The following BBS12 variants were observed in gnomAD, a reference collection of about 807,000 sequenced individuals.
The protein encoded by BBS12 is Bardet-Biedl syndrome 12, also known as chaperonin-containing T-complex member BBS12.
Under a neutral mutation model 5.6 loss-of-function variants are expected in BBS12, and 5 were observed. The observed-to-expected ratio is 0.89, with a 90% CI of 0.46 to 1.86. BBS12 has a LOEUF of 1.86. Among genes scored for constraint, BBS12 ranks in the 40% most tolerant of loss-of-function variants. The pLI, the probability that BBS12 is intolerant of heterozygous loss-of-function variation, is 0.01. For synonymous variants in BBS12, 308 were observed against 306.8 expected (o/e 1.00, Z -0.04); for missense variants, 748 against 830.4 (o/e 0.90, Z 1.22).
chr4:122,721,090 A>G, the BBS12 span, among the ~76,000 whole-genome samples: 1 of 152,178 alleles, frequency 6.6e-6, no homozygotes, highest in Admixed American at 6.5e-5. Context: ...TTAGAAGTCT[A>G]TACACAGCAA....
chr4:122,743,981 A>G lies in BBS12; in HGVS notation c.2089A>G (p.Thr697Ala), dbSNP rs201107249. The G allele has an allele frequency of 5.6e-6, 9 of 1,614,108 alleles. No individual in the cohort carries two copies. The African/African-American group carries it at 6.7e-5, about 12-fold the overall frequency. ...DSEIITGHGH[T>A]QINSQELTGF... ...TGAAATAATTACTGGACATGGACACACACAGATAAATTCACAGGAATTAAC... is the reference window on the plus strand; with the variant it reads ...TGAAATAATTACTGGACATGGACACGCACAGATAAATTCACAGGAATTAAC... The change falls in exon 2 of 2, where the codon ACA (threonine) becomes GCA (alanine). Residue 697 changes from threonine (T) to alanine (A), a missense_variant. By Grantham distance (58) the Thr-to-Ala change is moderately conservative (BLOSUM62 0). Transcript: ENST00000314218.
chr4:122,710,735 A>C, the BBS12 span, among the ~76,000 whole-genome samples: 1 of 152,134 alleles, frequency 6.6e-6, no homozygotes, highest in Non-Finnish European at 1.5e-5. Context: ...GGTATTGTTC[A>C]GTACTTTTCC....
At chr4:122,717,026 T>A in the BBS12 span, among the ~76,000 whole-genome samples, 3 of 152,130 alleles carry the variant, frequency 2.0e-5, no homozygotes, top group Admixed American at 6.5e-5. Flanking sequence ...CTCAACGCCC[T>A]CTAGTGGAGT....
chr4:122,743,482 A>T lies in BBS12; in HGVS notation c.1590A>T (p.Leu530=). The T allele has an allele frequency of 6.2e-7, 1 of 1,614,266 alleles. No individual in the cohort carries two copies. The highest frequency in any genetic ancestry group is 8.5e-7 in the Non-Finnish European group (1 of 1,180,042). ...GTGCCTATCGTTTGTATTATGCTCT[A>T]AAAGAGGAAAAGGTCTTCCTTGGAG... The part of the protein sequence containing the change: ...WTCAYRLYYA[L]KEEKVFLGGG... The change falls in exon 2 of 2, where the codon CTA becomes CTT. Residue 530 remains leucine, a synonymous_variant. Transcript: ENST00000314218.
At chr4:122,718,359 T>C in the BBS12 span, among the ~76,000 whole-genome samples, 1 of 152,198 alleles carries the variant, frequency 6.6e-6, no homozygotes, top group South Asian at 2.1e-4. Context: ...TCAGTCAGAT[T>C]TATTTTCCTA....
the BBS12 span, among the ~76,000 whole-genome samples, chr4:122,715,763 A>C: frequency 6.6e-6 from 1 of 152,358 alleles, no homozygotes; most frequent in African/African-American, 2.4e-5. Flanking sequence ...GAAAGAAAAA[A>C]TATAATACAG....
chr4:122,728,526 T>G (rs769593491), upstream of BBS12: 4 of 152,200 alleles, frequency 2.6e-5, no homozygotes, highest in Non-Finnish European at 5.9e-5. Context: ...AACTGGGGCT[T>G]GGATAGGAAG....
chr4:122,735,175 T>G (rs891475629), intron 1 of BBS12, among the ~76,000 whole-genome samples: 2 of 152,154 alleles, frequency 1.3e-5, no homozygotes, highest in Non-Finnish European at 2.9e-5. Context: ...CCCAGGGCAT[T>G]AGAGAAGTCC....
the BBS12 span, among the ~76,000 whole-genome samples, chr4:122,719,953 C>CTCTTATA: frequency 6.6e-6 from 1 of 152,144 alleles, no homozygotes; most frequent in Admixed American, 6.6e-5. Context: ...CAAAATGATC[C>CTCTTATA]TCTTATATCT....
the BBS12 span, among the ~76,000 whole-genome samples, chr4:122,719,832 T>G: frequency 5.9e-5 from 9 of 152,180 alleles, no homozygotes; most frequent in African/African-American, 2.2e-4. Flanking sequence ...AGTAAAGATA[T>G]CCTGGGCTTT....
chr4:122,705,322 T>C, the BBS12 span, among the ~76,000 whole-genome samples: 1 of 152,132 alleles, frequency 6.6e-6, no homozygotes, highest in Non-Finnish European at 1.5e-5. Flanking sequence ...AAAAGCTAAT[T>C]GAGGCCAGGT....
chr4:122,714,811 C>A, the BBS12 span, among the ~76,000 whole-genome samples: 1 of 151,946 alleles, frequency 6.6e-6, no homozygotes, highest in Non-Finnish European at 1.5e-5. Flanking sequence ...CTTATACATG[C>A]TATCGTGTAA....
chr4:122,715,421 T>G, the BBS12 span, among the ~76,000 whole-genome samples: 1 of 152,166 alleles, frequency 6.6e-6, no homozygotes, highest in Non-Finnish European at 1.5e-5. Context: ...GTTCTTGACT[T>G]TCAACATGCT....
the BBS12 span, among the ~76,000 whole-genome samples, chr4:122,705,950 G>A: frequency 6.6e-6 from 1 of 152,140 alleles, no homozygotes; most frequent in Non-Finnish European, 1.5e-5. Context: ...GTTGGGAGAC[G>A]ACTTCTTCCT....
the BBS12 span, among the ~76,000 whole-genome samples, chr4:122,722,538 C>A: frequency 6.6e-6 from 1 of 152,162 alleles, no homozygotes; most frequent in Non-Finnish European, 1.5e-5. Context: ...AACATAATAG[C>A]TCTCCATTTA....
At chr4:122,736,688 C>A (rs921555428) in intron 1 of BBS12, among the ~76,000 whole-genome samples, 1 of 152,130 alleles carries the variant, frequency 6.6e-6, no homozygotes, top group African/African-American at 2.4e-5. Flanking sequence ...CAGATTGTGT[C>A]TGTGTAATGC....
chr4:122,737,520 A>G (rs183304997), intron 1 of BBS12, among the ~76,000 whole-genome samples: 5 of 152,350 alleles, frequency 3.3e-5, no homozygotes, highest in Non-Finnish European at 7.3e-5. Context: ...ATTACATAAT[A>G]CTTGTAAAAT....
chr4:122,712,082 G>C, the BBS12 span, among the ~76,000 whole-genome samples: 1 of 152,226 alleles, frequency 6.6e-6, no homozygotes, highest in Non-Finnish European at 1.5e-5. Flanking sequence ...CAGTCTCCTA[G>C]GTGCTGAGGC....
chr4:122,714,104 G>A, the BBS12 span, among the ~76,000 whole-genome samples: 1 of 152,042 alleles, frequency 6.6e-6, no homozygotes, highest in Non-Finnish European at 1.5e-5. Context: ...GATATTTAAG[G>A]TTAAATGTAG....
Sources: allele counts gnomAD v4.1 joint callset (sites outside exome capture counted in the v4.1 genomes callset), GRCh38; gene constraint gnomAD v4.1.1; transcripts MANE v1.5; gene names NCBI Gene and HGNC (gene_info 2026-07-23, HGNC 2026-07-21).